The following GALNTL6 variants were observed in gnomAD, a reference collection of about 807,000 sequenced individuals.
The protein encoded by GALNTL6 is polypeptide N-acetylgalactosaminyltransferase like 6, also known as polypeptide N-acetylgalactosaminyltransferase-like 6.
GALNTL6 carries 46 observed loss-of-function variants against 73.7 expected under a neutral mutation model. The observed-to-expected ratio is 0.62, with a 90% CI of 0.49 to 0.80. The LOEUF is 0.80. Ranked by LOEUF, GALNTL6 falls within the 30% of genes least tolerant of loss-of-function variation. The probability of loss-of-function intolerance (pLI) is 0.00; values close to 1 mark genes in which losing one functional copy is unlikely to be tolerated. For synonymous variants in GALNTL6, 259 were observed against 263.7 expected (o/e 0.98, Z 0.17); for missense variants, 604 against 755.0 (o/e 0.80, Z 2.34).
At chr4:171,895,313 C>A (rs967034265) in intron 2 of GALNTL6, among the ~76,000 whole-genome samples, 1 of 152,068 alleles carries the variant, frequency 6.6e-6, no homozygotes, top group Non-Finnish European at 1.5e-5. Flanking sequence ...GAATCCCTTG[C>A]GTGAAAAAAG....
intron 5 of GALNTL6, among the ~76,000 whole-genome samples, chr4:172,605,294 C>G (rs1340942440): frequency 2.0e-5 from 3 of 152,026 alleles, no homozygotes; most frequent in Non-Finnish European, 4.4e-5. Flanking sequence ...CTTGTATCTC[C>G]CTAAACCCAC....
chr4:172,534,962 A>G (rs1403069351), intron 5 of GALNTL6, among the ~76,000 whole-genome samples: 1 of 152,218 alleles, frequency 6.6e-6, no homozygotes, highest in East Asian at 1.9e-4. Context: ...GAGATTGAAA[A>G]AAGTGAAGTG....
At chr4:171,908,564 A>T (rs1196498371) in intron 2 of GALNTL6, among the ~76,000 whole-genome samples, 1 of 151,870 alleles carries the variant, frequency 6.6e-6, no homozygotes, top group Non-Finnish European at 1.5e-5. Flanking sequence ...AACTAGTTCA[A>T]CCATTGTGGA....
intron 5 of GALNTL6, among the ~76,000 whole-genome samples, chr4:172,358,857 C>CAAAAAA (rs56119441): frequency 4.7e-5 from 4 of 85,554 alleles, no homozygotes; most frequent in African/African-American, 1.9e-4. Context: ...ATTAAAAAGT[C>CAAAAAA]AAAAAAAAAA....
At chr4:172,551,349 A>G (rs554863309) in intron 5 of GALNTL6, among the ~76,000 whole-genome samples, 3 of 152,180 alleles carry the variant, frequency 2.0e-5, no homozygotes, top group Non-Finnish European at 2.9e-5. Flanking sequence ...GATTAGGTAC[A>G]TGTAAAAATT....
intron 5 of GALNTL6, among the ~76,000 whole-genome samples, chr4:172,428,497 T>C (rs1372354747): frequency 6.6e-6 from 1 of 152,214 alleles, no homozygotes; most frequent in Non-Finnish European, 1.5e-5. Context: ...CATCCACAGA[T>C]GCTTGCATTA....
At chr4:171,979,424 A>G (rs927515313) in intron 2 of GALNTL6, among the ~76,000 whole-genome samples, 1 of 152,206 alleles carries the variant, frequency 6.6e-6, no homozygotes, top group Non-Finnish European at 1.5e-5. Flanking sequence ...AGGCAAAAAT[A>G]AAGCAGACAA....
At chr4:171,896,297 A>G (rs572057754) in intron 2 of GALNTL6, among the ~76,000 whole-genome samples, 3 of 152,328 alleles carry the variant, frequency 2.0e-5, no homozygotes, top group African/African-American at 7.2e-5. Context: ...AACTGTAATC[A>G]TTGTCTTGTA....
chr4:172,564,760 C>G (rs1190205538), intron 5 of GALNTL6, among the ~76,000 whole-genome samples: 2 of 152,174 alleles, frequency 1.3e-5, no homozygotes, highest in East Asian at 3.8e-4. Context: ...AGTGGGTCCT[C>G]TTGAGGAGAA....
intron 5 of GALNTL6, among the ~76,000 whole-genome samples, chr4:172,547,179 G>T (rs939024561): frequency 4.6e-5 from 7 of 152,016 alleles, no homozygotes; most frequent in East Asian, 3.9e-4. Flanking sequence ...CCTCAAAGGG[G>T]TGGGAGGTGT....
At chr4:172,639,394 A>G (rs1032211898) in intron 5 of GALNTL6, among the ~76,000 whole-genome samples, 2 of 151,910 alleles carry the variant, frequency 1.3e-5, no homozygotes, top group Non-Finnish European at 2.9e-5. Context: ...CCCCTTGCCT[A>G]TATCCTCAAC....
At chr4:172,120,337 C>T (rs963845797) in intron 2 of GALNTL6, among the ~76,000 whole-genome samples, 1 of 152,116 alleles carries the variant, frequency 6.6e-6, no homozygotes, top group Non-Finnish European at 1.5e-5. Flanking sequence ...AACTAAGGTG[C>T]CAGCAGAACA....
intron 5 of GALNTL6, among the ~76,000 whole-genome samples, chr4:172,657,525 A>C (rs970606592): frequency 2.6e-5 from 4 of 152,192 alleles, no homozygotes; most frequent in Admixed American, 2.6e-4. Flanking sequence ...CATTGTCTGA[A>C]AACTAAATTT....
intron 3 of GALNTL6, among the ~76,000 whole-genome samples, chr4:172,236,981 C>G: frequency 6.6e-6 from 1 of 152,144 alleles, no homozygotes; most frequent in East Asian, 1.9e-4. Context: ...GTTTCCTGTT[C>G]CTGCTTTAGT....
chr4:172,466,869 T>C (rs1732841423), intron 5 of GALNTL6, among the ~76,000 whole-genome samples: 1 of 152,204 alleles, frequency 6.6e-6, no homozygotes, highest in Admixed American at 6.5e-5. Context: ...AGTATGCTTA[T>C]AGACCTCCTC....
Position 172,621,390 on chromosome 4 carries a change from C to T in GALNTL6, c.554-187971C>T, listed in dbSNP as rs72988561. On this transcript the variant is annotated intron_variant, in intron 5 of 12. Transcript: ENST00000506823. ...CTGTTTCTGGAGATAACAGTAGCCT[C>T]AATTTTCTGAGACTTTTAAAGATTC... is the stretch of plus-strand genomic sequence containing the variant. 1.5e-3 allele frequency among the ~76,000 whole-genome samples: 230 copies of T among 152,246 alleles called. 1 individual carries two copies. The highest frequency in any genetic ancestry group is 5.3e-3 in the African/African-American group (220 of 41,554).
chr4:172,758,154 T>G (rs1379386687), intron 5 of GALNTL6, among the ~76,000 whole-genome samples: 1 of 152,232 alleles, frequency 6.6e-6, no homozygotes, highest in African/African-American at 2.4e-5. Flanking sequence ...TATATATTCA[T>G]GAAAAGTATA....
At chr4:172,313,069 G>A (rs1740416792) in intron 4 of GALNTL6, among the ~76,000 whole-genome samples, 2 of 151,802 alleles carry the variant, frequency 1.3e-5, no homozygotes, top group African/African-American at 2.4e-5. Flanking sequence ...TTGCATTGTT[G>A]GCATAATAAA....
chr4:172,921,292 TG>T lies in GALNTL6; in HGVS notation c.1042-9868del, dbSNP rs558727870. ...AGTGTATTATGCTTCATCTTATACC[TG>T]ATCATAGTGCTCCCTTATTGTCCTC... On this transcript the variant is annotated intron_variant, in intron 8 of 12. Transcript: ENST00000506823. 2.1e-3 allele frequency among the ~76,000 whole-genome samples: 326 copies of T among 152,360 alleles called. 1 individual carries two copies. Among genetic ancestry groups the T allele is most frequent in the Middle Eastern group, 3.4e-3 (1 of 294 alleles).
Sources: gnomAD v4.1 joint callset for allele counts (sites outside exome capture counted in the v4.1 genomes callset) on GRCh38, gnomAD v4.1.1 for gene constraint, MANE v1.5 for transcripts, NCBI Gene and HGNC (gene_info 2026-07-23, HGNC 2026-07-21) for gene names.